Variants in MAP4K3 observed in about 807,000 individuals in gnomAD.
MAP4K3 encodes the protein mitogen-activated protein kinase kinase kinase kinase 3, also known as MAPK/ERK kinase kinase kinase 3.
In MAP4K3, 94 loss-of-function variants were observed where a neutral mutation model predicts 143.5. The ratio of observed to expected loss-of-function variants is 0.65; its 90% confidence interval spans 0.55 to 0.78. The LOEUF is 0.78. Among genes scored for constraint, MAP4K3 ranks in the 30% least tolerant of loss-of-function variants. The pLI, the probability that MAP4K3 is intolerant of heterozygous loss-of-function variation, is 0.00. For synonymous variants in MAP4K3, 416 were observed against 347.2 expected, an observed-to-expected ratio of 1.20 and a Z score of -2.20; for missense variants, 1,077 against 1,068.1, an observed-to-expected ratio of 1.01 and a Z score of -0.12.
intron 8 of MAP4K3, among the ~76,000 whole-genome samples, chr2:39,326,524 C>T (rs897161436): frequency 6.6e-6 from 1 of 152,092 alleles, no homozygotes; most frequent in Non-Finnish European, 1.5e-5. Flanking sequence ...CTTGCCTTGC[C>T]TCAGACGAGA....
chr2:39,381,157 C>A (rs540962324), intron 1 of MAP4K3, among the ~76,000 whole-genome samples: 4 of 152,274 alleles, frequency 2.6e-5, no homozygotes, highest in Admixed American at 6.5e-5. Context: ...GTGTTACTGC[C>A]AAATAGTATT....
chr2:39,373,203 T>A (rs1320424879), intron 2 of MAP4K3, among the ~76,000 whole-genome samples: 2 of 152,164 alleles, frequency 1.3e-5, no homozygotes, highest in East Asian at 3.8e-4. Flanking sequence ...ACATCACTGA[T>A]CATCAGAGAA....
intron 29 of MAP4K3, 34 bp from the exon 30 acceptor site, chr2:39,258,621 A>T: frequency 7.3e-7 from 1 of 1,362,148 alleles, no homozygotes; most frequent in East Asian, 2.3e-5. Context: ...AAACCTACAG[A>T]AACTGTGATA....
chr2:39,260,953 G>A (rs140150597), intron 28 of MAP4K3, 176 bp from the exon 29 acceptor site: 14 of 529,864 alleles, frequency 2.6e-5, no homozygotes, highest in African/African-American at 1.7e-4. Context: ...GTTTACCACC[G>A]CAAAATATTT....
chr2:39,324,434 A>T (rs1683421334), intron 12 of MAP4K3, among the ~76,000 whole-genome samples: 1 of 152,002 alleles, frequency 6.6e-6, no homozygotes, highest in Non-Finnish European at 1.5e-5. Flanking sequence ...AACAAAAAAA[A>T]CTTCTTCAGA....
At chr2:39,331,693 G>A (rs1683686309) in intron 8 of MAP4K3, among the ~76,000 whole-genome samples, 1 of 152,044 alleles carries the variant, frequency 6.6e-6, no homozygotes, top group Non-Finnish European at 1.5e-5. Context: ...GTTTCTGAAA[G>A]CCATATCAAT....
chr2:39,373,390 A>C (rs1666133394), intron 2 of MAP4K3, among the ~76,000 whole-genome samples: 1 of 152,214 alleles, frequency 6.6e-6, no homozygotes, highest in Non-Finnish European at 1.5e-5. Context: ...GTTCCTCGAA[A>C]AACTAAAAAT....
intron 1 of MAP4K3, among the ~76,000 whole-genome samples, chr2:39,380,167 G>A (rs766281872): frequency 7.9e-5 from 12 of 152,022 alleles, no homozygotes; most frequent in Admixed American, 4.6e-4. Context: ...TGCTTTCTAT[G>A]ATGTTAGAAA....
In MAP4K3 at chr2:39,269,216, G is replaced by A. The variant is rs537143084; in HGVS notation, c.1974-1969C>T. ...GCTCAGAACAATTTTCCTGATGGATGTTCTTGTAACCACACAATTGGCAAC... is the reference window on the plus strand; with the variant it reads ...GCTCAGAACAATTTTCCTGATGGATATTCTTGTAACCACACAATTGGCAAC... On this transcript the variant is annotated intron_variant, in intron 26 of 33. Transcript: ENST00000263881. Among the ~76,000 whole-genome samples, 3 of 151,908 alleles carry A rather than the reference G, an allele frequency of 2.0e-5. No homozygotes were observed. In the South Asian group the frequency reaches 6.2e-4, roughly 32 times the overall value.
chr2:39,317,437 C>A (rs1227647080), intron 12 of MAP4K3, among the ~76,000 whole-genome samples: 1 of 152,068 alleles, frequency 6.6e-6, no homozygotes, highest in African/African-American at 2.4e-5. Context: ...TAAACAGGTT[C>A]GGCACAGCAA....
At chr2:39,347,692 C>G (rs2148541086) in intron 3 of MAP4K3, among the ~76,000 whole-genome samples, 2 of 151,952 alleles carry the variant, frequency 1.3e-5, no homozygotes, top group South Asian at 4.2e-4. Context: ...TTTAAGTCAT[C>G]TTAAATTGCT....
chr2:39,318,904 T>A (rs1480316234), intron 12 of MAP4K3, among the ~76,000 whole-genome samples: 2 of 152,136 alleles, frequency 1.3e-5, no homozygotes, highest in Non-Finnish European at 1.5e-5. Flanking sequence ...GTATGATAAA[T>A]CCTAGTTGAC....
At chr2:39,368,164 G>A (rs1023897730) in intron 2 of MAP4K3, among the ~76,000 whole-genome samples, 5 of 152,024 alleles carry the variant, frequency 3.3e-5, no homozygotes, top group South Asian at 2.1e-4. Flanking sequence ...AGTATATCGC[G>A]CCCCCTGCCT....
intron 8 of MAP4K3, among the ~76,000 whole-genome samples, chr2:39,326,502 G>A (rs1202021368): frequency 6.6e-6 from 1 of 152,112 alleles, no homozygotes; most frequent in African/African-American, 2.4e-5. Context: ...CTTATAGGTG[G>A]AAGGGACTTG....
intron 12 of MAP4K3, among the ~76,000 whole-genome samples, chr2:39,322,404 T>G (rs1683337735): frequency 6.6e-6 from 1 of 152,136 alleles, no homozygotes; most frequent in Non-Finnish European, 1.5e-5. Context: ...TTAAATCTTA[T>G]AATGCTGTAC....
intron 31 of MAP4K3, among the ~76,000 whole-genome samples, chr2:39,257,874 T>G (rs1285388510): frequency 2.0e-5 from 3 of 152,128 alleles, no homozygotes; most frequent in African/African-American, 7.2e-5. Context: ...TATTAAACTA[T>G]TTTAGAAAAT....
intron 1 of MAP4K3, among the ~76,000 whole-genome samples, chr2:39,396,240 G>A (rs921045997): frequency 6.6e-6 from 1 of 151,186 alleles, no homozygotes; most frequent in African/African-American, 2.5e-5. Context: ...GGGGTCTCAC[G>A]ATGTTGCTCA....
At chr2:39,288,641 G>A (rs1369714937) in intron 19 of MAP4K3, among the ~76,000 whole-genome samples, 2 of 152,056 alleles carry the variant, frequency 1.3e-5, no homozygotes, top group Admixed American at 1.3e-4. Flanking sequence ...CAAATATTCA[G>A]ACTAGTCAAA....
intron 1 of MAP4K3, among the ~76,000 whole-genome samples, chr2:39,392,841 A>C (rs1188060432): frequency 6.6e-6 from 1 of 152,182 alleles, no homozygotes; most frequent in African/African-American, 2.4e-5. Context: ...CCATGGGATG[A>C]CACAGTACAA....
Sources: gnomAD v4.1 joint callset for allele counts (sites outside exome capture counted in the v4.1 genomes callset) on GRCh38, gnomAD v4.1.1 for gene constraint, MANE v1.5 for transcripts, NCBI Gene and HGNC (gene_info 2026-07-23, HGNC 2026-07-21) for gene names.